Variants in MAP2K5 observed in about 807,000 individuals in gnomAD.
MAP2K5 encodes the protein dual specificity mitogen-activated protein kinase kinase 5.
In MAP2K5, 49 loss-of-function variants were observed where a neutral mutation model predicts 83.1. The ratio of observed to expected loss-of-function variants is 0.59; its 90% confidence interval spans 0.47 to 0.75. The LOEUF (loss-of-function observed/expected upper bound fraction) is 0.75, where lower values mean the gene tolerates loss of function less well. Ranked by LOEUF, MAP2K5 falls within the 30% of genes least tolerant of loss-of-function variation. The pLI, the probability that MAP2K5 is intolerant of heterozygous loss-of-function variation, is 0.00. For synonymous variants in MAP2K5, 202 were observed against 191.8 expected (o/e 1.05, Z -0.44); for missense variants, 457 against 557.5 (o/e 0.82, Z 1.82).
intron 21 of MAP2K5, among the ~76,000 whole-genome samples, chr15:67,788,231 G>C (rs530806823): frequency 7.2e-5 from 11 of 152,182 alleles, no homozygotes; most frequent in African/African-American, 2.2e-4. Context: ...ATAGCTCTGG[G>C]GCCCCCAGGC....
rs1053950391 is a variant in MAP2K5 at position 67,719,626 on chromosome 15, G to T, written c.1045-8290G>T. Among the ~76,000 whole-genome samples, 2 of 152,158 alleles carry T rather than the reference G, an allele frequency of 1.3e-5. No individual in the cohort carries two copies. The highest frequency in any genetic ancestry group is 1.3e-4 in the Admixed American group (2 of 15,270). ...ATGAAGTTTGTCTACAAAATTGTGG[G>T]TAGAGTCTTCTAGGATTAACTCCTG... On this transcript the variant is annotated intron_variant, in intron 16 of 21. Coordinates refer to ENST00000178640, the MANE Select transcript of MAP2K5 (RefSeq NM_145160.3). The surrounding 1 kb of genome is among the most constrained non-coding windows in gnomAD (Gnocchi z 4.6).
chr15:67,658,669 A>G (rs914848789), intron 12 of MAP2K5, 55 bp downstream of exon 12: 5 of 1,386,072 alleles, frequency 3.6e-6, no homozygotes, highest in Non-Finnish European at 5.1e-6. Context: ...CTTCTAATCA[A>G]GCTCATTCTT....
Position 67,606,415 on chromosome 15 carries a change from A to G in MAP2K5, c.545+5666A>G, listed in dbSNP as rs972224892. Among the ~76,000 whole-genome samples the G allele has an allele frequency of 3.3e-5, 5 of 152,164 alleles. No homozygotes were observed. In the East Asian group the frequency reaches 9.6e-4, roughly 29 times the overall value. ...GAGGTAGAATTTTCTCAGTGATACA[A>G]TGGGTAGTATATATACTGCCTTCAT... On this transcript the variant is annotated intron_variant, in intron 8 of 21. Coordinates refer to ENST00000178640, the MANE Select transcript of MAP2K5 (RefSeq NM_145160.3).
intron 3 of MAP2K5, among the ~76,000 whole-genome samples, chr15:67,571,786 G>T (rs892251597): frequency 6.6e-6 from 1 of 152,138 alleles, no homozygotes; most frequent in Admixed American, 6.5e-5. Context: ...GAGAGCTGGG[G>T]CCTGAGGTCA....
chr15:67,601,567 A>T (rs1334993098), intron 8 of MAP2K5, among the ~76,000 whole-genome samples: 3 of 152,206 alleles, frequency 2.0e-5, no homozygotes, highest in African/African-American at 4.8e-5. Context: ...TATGGTTGTG[A>T]TATTAGATCA....
chr15:67,561,056 TATAGCTAGCTTA>T lies in MAP2K5; in HGVS notation c.185-2226_185-2215del, dbSNP rs1370040061. Among the ~76,000 whole-genome samples the T allele has an allele frequency of 6.6e-6, 1 of 152,238 alleles. No homozygotes were observed. Among genetic ancestry groups the T allele is most frequent in the Non-Finnish European group, 1.5e-5 (1 of 68,034 alleles). On this transcript the variant is annotated intron_variant, in intron 2 of 21. Transcript: ENST00000178640. This position sits in a 1 kb window ranked among gnomAD's most constrained non-coding sequence, Gnocchi z 4.2. ...GCAGTCTCTTTTTAACCATAATCTC[TATAGCTAGCTTA>T]GTTGCAGAAATGAGATTTATTTTAA...
rs750356701 is a variant in MAP2K5, at chr15:67,703,429, C to T, written c.1044+21C>T. The T allele has an allele frequency of 2.5e-5, 40 of 1,585,114 alleles. No homozygotes were observed. The South Asian group carries it at 2.8e-4, about 11-fold the overall frequency. On this transcript the variant is annotated intron_variant, in intron 16 of 21. Coordinates refer to ENST00000178640, the MANE Select transcript of MAP2K5 (RefSeq NM_145160.3). ...TGGAGGTACGTTGTTTGCACATAGA[C>T]GCTTCTGTGCATATCTGTACTAATA...
In MAP2K5 at chr15:67,763,663, C is replaced by CA. The variant is rs1479714579; in HGVS notation, c.1135-5936dup. On this transcript the variant is annotated intron_variant, in intron 19 of 21. Transcript: ENST00000178640. ...TGTTTTTTAGATTTTTTTTTTTAAACAAACTCGATTTTCTCCCCAAGCAAG... is the reference window on the plus strand; with the variant it reads ...TGTTTTTTAGATTTTTTTTTTTAAACAAAACTCGATTTTCTCCCCAAGCAAG... 3.3e-5 allele frequency among the ~76,000 whole-genome samples: 5 copies of CA among 150,380 alleles called. No homozygotes were observed. The East Asian group carries it at 9.7e-4, about 29-fold the overall frequency.
At chr15:67,763,894 T>C (rs1222117721) in intron 19 of MAP2K5, among the ~76,000 whole-genome samples, 1 of 152,196 alleles carries the variant, frequency 6.6e-6, no homozygotes, top group African/African-American at 2.4e-5. Context: ...CCAATTAGTA[T>C]GAATCCCAGT....
rs548272483 is a variant in MAP2K5, at chr15:67,723,072, A to G, written c.1045-4844A>G. On this transcript the variant is annotated intron_variant, in intron 16 of 21. Transcript: ENST00000178640. ...TGAGTAGGAGACTTGATTACTAAAA[A>G]CATGTCTTGAATTTGTGTCCTGCAC... Among the ~76,000 whole-genome samples the G allele has an allele frequency of 9.8e-5, 15 of 152,304 alleles. No homozygotes were observed. The South Asian group carries it at 3.1e-3, about 32-fold the overall frequency.
Position 67,563,411 on chromosome 15 carries a change from T to C in MAP2K5, c.252+61T>C. On this transcript the variant is annotated intron_variant, in intron 3 of 21. Coordinates refer to ENST00000178640, the MANE Select transcript of MAP2K5 (RefSeq NM_145160.3). The surrounding 1 kb of genome is among the most constrained non-coding windows in gnomAD (Gnocchi z 4.5). Reference sequence around the variant, plus strand: ...TCTTAACGTGATTGAGGATGCTGTTTCTTGGGCATAGTGAAGACGAGTAAA... The same window carrying C: ...TCTTAACGTGATTGAGGATGCTGTTCCTTGGGCATAGTGAAGACGAGTAAA... 3 of 1,564,558 alleles carry C rather than the reference T, an allele frequency of 1.9e-6. No homozygotes were observed. Among genetic ancestry groups the C allele is most frequent in the Non-Finnish European group, 2.6e-6 (3 of 1,156,382 alleles).
intron 9 of MAP2K5, among the ~76,000 whole-genome samples, chr15:67,634,909 T>A (rs1050251859): frequency 6.6e-6 from 1 of 152,222 alleles, no homozygotes; most frequent in Admixed American, 6.5e-5. Flanking sequence ...ACATTTCATA[T>A]GATTATTGAT....
chr15:67,746,041 T>A lies in MAP2K5; in HGVS notation c.1075-2190T>A, dbSNP rs1048067643. 6.6e-6 allele frequency among the ~76,000 whole-genome samples: 1 copy of A among 152,210 alleles called. No individual in the cohort carries two copies. Among genetic ancestry groups the A allele is most frequent in the African/African-American group, 2.4e-5 (1 of 41,450 alleles). On this transcript the variant is annotated intron_variant, in intron 17 of 21. Transcript: ENST00000178640. This position sits in a 1 kb window ranked among gnomAD's most constrained non-coding sequence, Gnocchi z 4.1. ...ATAAGATTATAAAAAAAGACTTTGA[T>A]ATTGCTGTTTTTCTCTTTCTTTTAA... is the stretch of plus-strand genomic sequence containing the variant.
intron 16 of MAP2K5, among the ~76,000 whole-genome samples, chr15:67,712,287 T>G (rs1396011294): frequency 6.6e-6 from 1 of 152,104 alleles, no homozygotes; most frequent in Non-Finnish European, 1.5e-5. Flanking sequence ...ACGTTTGGAG[T>G]TCCCCCAAGG....
At chr15:67,752,946 C>A (rs2089755494) in intron 19 of MAP2K5, among the ~76,000 whole-genome samples, 1 of 150,168 alleles carries the variant, frequency 6.7e-6, no homozygotes, top group African/African-American at 2.4e-5. Flanking sequence ...TTTCTGATTT[C>A]AAAACTTACT....
chr15:67,583,615 C>T (rs986290977), intron 4 of MAP2K5, among the ~76,000 whole-genome samples: 1 of 152,094 alleles, frequency 6.6e-6, no homozygotes, highest in Non-Finnish European at 1.5e-5. Context: ...TGTAGACATA[C>T]TGGGTATATT....
intron 16 of MAP2K5, among the ~76,000 whole-genome samples, chr15:67,712,936 C>G (rs1278889313): frequency 6.6e-6 from 1 of 151,106 alleles, no homozygotes; most frequent in African/African-American, 2.4e-5. Flanking sequence ...AGAACCAAGT[C>G]ATGAAGTTCA....
In MAP2K5 at chr15:67,556,549, TC is replaced by T. The variant is rs1422983036; in HGVS notation, c.184+6468del. On this transcript the variant is annotated intron_variant, in intron 2 of 21. Coordinates refer to ENST00000178640, the MANE Select transcript of MAP2K5 (RefSeq NM_145160.3). ...AATTTGTTTATTTTTCTTTTTCTTT[TC>T]TTTCTTTTTTTTTTTTTTTGAGATG... Among the ~76,000 whole-genome samples, 5 of 109,298 alleles carry T rather than the reference TC, an allele frequency of 4.6e-5. No individual in the cohort carries two copies. The East Asian group carries it at 1.5e-3, about 32-fold the overall frequency. The allele number at this position is 109,298 out of a possible 152,430, so 71.7% of individuals were successfully genotyped here.
Position 67,592,963 on chromosome 15 carries a change from G to A in MAP2K5, c.469G>A (p.Ala157Thr), listed in dbSNP as rs368455000. 42 of 1,601,496 alleles carry A rather than the reference G, an allele frequency of 2.6e-5. No homozygotes were observed. Among genetic ancestry groups the A allele is most frequent in the Middle Eastern group, 1.7e-4 (1 of 5,980 alleles). Residue 157 changes from alanine to threonine, a missense_variant, in exon 7 of 22, where the codon GCC becomes ACC. Transcript: ENST00000178640. ...KSSAELKKIL[A>T]NGQMNEQDIR... is the part of the protein sequence containing the mutation. ...TTCTGCTGAACTGAAAAAAATACTA[G>A]CCAATGGCCAGGTAGGTATTATTAT...
Sources: gnomAD v4.1 joint callset for allele counts (sites outside exome capture counted in the v4.1 genomes callset) on GRCh38, gnomAD v4.1.1 for gene constraint, Gnocchi (gnomAD v3.1) non-coding constraint, MANE v1.5 for transcripts, NCBI Gene and HGNC (gene_info 2026-07-23, HGNC 2026-07-21) for gene names.